PIK3R3: variants seen among roughly 807,000 people sequenced by gnomAD.
PIK3R3 encodes the protein phosphoinositide-3-kinase regulatory subunit 3.
Under a neutral mutation model 62.9 loss-of-function variants are expected in PIK3R3, and 64 were observed. The observed-to-expected ratio is 1.02, with a 90% CI of 0.83 to 1.25. PIK3R3 has a LOEUF of 1.25. Among genes scored for constraint, PIK3R3 ranks in the 50% most tolerant of loss-of-function variants. The pLI, the probability that PIK3R3 is intolerant of heterozygous loss-of-function variation, is 0.00. For synonymous variants in PIK3R3, 165 were observed against 189.0 expected, an observed-to-expected ratio of 0.87 and a Z score of 1.04; for missense variants, 614 against 561.6, an observed-to-expected ratio of 1.09 and a Z score of -0.94.
chr1:46,162,783 G>A, the PIK3R3 span, among the ~76,000 whole-genome samples: 15 of 152,006 alleles, frequency 9.9e-5, no homozygotes, highest in East Asian at 2.5e-3. Flanking sequence ...CACCACACCC[G>A]GCTAATATTT....
intron 1 of PIK3R3, among the ~76,000 whole-genome samples, chr1:46,086,924 C>T (rs1381511292): frequency 6.6e-6 from 1 of 152,174 alleles, no homozygotes; most frequent in Non-Finnish European, 1.5e-5. Flanking sequence ...GTCAACTCAC[C>T]AGTCCAGAGA....
At chr1:46,058,197 A>C (rs1377962716) in intron 6 of PIK3R3, among the ~76,000 whole-genome samples, 1 of 152,252 alleles carries the variant, frequency 6.6e-6, no homozygotes, top group Non-Finnish European at 1.5e-5. Flanking sequence ...GCAGGTGCAC[A>C]GAAGTCAAGA....
chr1:46,098,927 C>A (rs776951907), intron 1 of PIK3R3, among the ~76,000 whole-genome samples: 3 of 152,186 alleles, frequency 2.0e-5, no homozygotes, highest in East Asian at 3.9e-4. Flanking sequence ...GTCTTGAACT[C>A]CTGGCTTCAA....
intron 7 of PIK3R3, among the ~76,000 whole-genome samples, chr1:46,053,759 C>T (rs940595318): frequency 6.6e-6 from 1 of 152,160 alleles, no homozygotes; most frequent in African/African-American, 2.4e-5. Context: ...CAGACTAAGA[C>T]ACCACACTTA....
chr1:46,092,297 G>C (rs1483290581), intron 1 of PIK3R3, among the ~76,000 whole-genome samples: 1 of 152,142 alleles, frequency 6.6e-6, no homozygotes, highest in Non-Finnish European at 1.5e-5. Flanking sequence ...TGGTAATTCT[G>C]GTATAAAACT....
At chr1:46,143,819 T>G in the PIK3R3 span, among the ~76,000 whole-genome samples, 1 of 152,152 alleles carries the variant, frequency 6.6e-6, no homozygotes, top group Non-Finnish European at 1.5e-5. Context: ...GTTGGGAACA[T>G]TTAAAGTCTT....
At chr1:46,073,541 G>A (rs1649738346) in intron 3 of PIK3R3, among the ~76,000 whole-genome samples, 1 of 152,156 alleles carries the variant, frequency 6.6e-6, no homozygotes. Context: ...TGTTAACCAA[G>A]GTAGATCAGA....
chr1:46,171,318 A>T, the PIK3R3 span, among the ~76,000 whole-genome samples: 1 of 152,154 alleles, frequency 6.6e-6, no homozygotes, highest in Non-Finnish European at 1.5e-5. Context: ...CAGTCCTTCC[A>T]CCCAGCTTCC....
chr1:46,147,640 C>T, the PIK3R3 span, among the ~76,000 whole-genome samples: 2 of 132,958 alleles, frequency 1.5e-5, no homozygotes, highest in Non-Finnish European at 3.0e-5. Flanking sequence ...GGGACGGTCT[C>T]GATCTCGATC....
the PIK3R3 span, among the ~76,000 whole-genome samples, chr1:46,151,070 C>T: frequency 6.6e-6 from 1 of 152,110 alleles, no homozygotes; most frequent in Non-Finnish European, 1.5e-5. Flanking sequence ...CTTGGCCTCC[C>T]AAAGTGCTGA....
intron 5 of PIK3R3, among the ~76,000 whole-genome samples, chr1:46,063,608 C>A (rs1434299601): frequency 6.6e-6 from 1 of 152,118 alleles, no homozygotes; most frequent in Admixed American, 6.5e-5. Context: ...TATTTGATAT[C>A]ACTACTAAGT....
At chr1:46,097,960 G>A (rs1652302060) in intron 1 of PIK3R3, among the ~76,000 whole-genome samples, 1 of 150,382 alleles carries the variant, frequency 6.6e-6, no homozygotes, top group African/African-American at 2.4e-5. Flanking sequence ...CATCCAGAGA[G>A]AAAAGGAAAA....
chr1:46,109,440 T>G (rs1454939123), intron 1 of PIK3R3, among the ~76,000 whole-genome samples: 1 of 152,082 alleles, frequency 6.6e-6, no homozygotes, highest in Non-Finnish European at 1.5e-5. Flanking sequence ...TTTTCCTTCT[T>G]GAAAAATCTC....
At chr1:46,064,315 C>T (rs186066750) in intron 5 of PIK3R3, among the ~76,000 whole-genome samples, 196 of 152,052 alleles carry the variant, frequency 1.3e-3, no homozygotes, top group Admixed American at 2.3e-3. Context: ...CCGAGATGGG[C>T]GGATCACCTG....
chr1:46,116,760 A>T (rs1410161417), intron 1 of PIK3R3, among the ~76,000 whole-genome samples: 2 of 152,106 alleles, frequency 1.3e-5, no homozygotes, highest in Non-Finnish European at 2.9e-5. Flanking sequence ...GTACTATTCC[A>T]TATAATTCTC....
At chr1:46,104,825 A>G (rs1454033000) in intron 1 of PIK3R3, 11 of 387,066 alleles carry the variant, frequency 2.8e-5, no homozygotes, top group Admixed American at 3.9e-5. Context: ...CCAGCTACTC[A>G]GGAAGCTAAG....
At chr1:46,148,788 G>T in the PIK3R3 span, among the ~76,000 whole-genome samples, 1 of 151,378 alleles carries the variant, frequency 6.6e-6, no homozygotes, top group Admixed American at 6.6e-5. Flanking sequence ...CATGAAGAGA[G>T]AATGAATATA....
chr1:46,098,080 A>C (rs1279249655), intron 1 of PIK3R3, among the ~76,000 whole-genome samples: 1 of 152,204 alleles, frequency 6.6e-6, no homozygotes, highest in East Asian at 1.9e-4. Context: ...AAAAATCAAG[A>C]GTATTTCTAC....
chr1:46,066,772 C>A, intron 4 of PIK3R3, 139 bp downstream of exon 4: 1 of 743,240 alleles, frequency 1.3e-6, no homozygotes, highest in Non-Finnish European at 2.3e-6. Flanking sequence ...GCCTGGGCAA[C>A]AGAGACCCTG....
Sources: allele counts gnomAD v4.1 joint callset (sites outside exome capture counted in the v4.1 genomes callset), GRCh38; gene constraint gnomAD v4.1.1; transcripts MANE v1.5; gene names NCBI Gene and HGNC (gene_info 2026-07-23, HGNC 2026-07-21).